Variants in IQCJ observed in about 807,000 individuals in gnomAD.
IQCJ encodes IQ motif containing J, also known as IQ domain-containing protein J.
A neutral mutation model predicts 11.0 loss-of-function variants in IQCJ; 9 were observed. The observed-to-expected ratio is 0.82, with a 90% CI of 0.49 to 1.43. The LOEUF (loss-of-function observed/expected upper bound fraction) is 1.43, where lower values mean the gene tolerates loss of function less well. IQCJ is among the 40% of genes most tolerant of loss of function. The pLI is 0.00. For missense variants in IQCJ, 146 were observed against 133.2 expected, an observed-to-expected ratio of 1.10 and a Z score of -0.47; for synonymous variants, 55 against 51.3, an observed-to-expected ratio of 1.07 and a Z score of -0.31.
At chr3:159,110,389 T>G (rs935558412) in intron 1 of IQCJ, among the ~76,000 whole-genome samples, 4 of 152,194 alleles carry the variant, frequency 2.6e-5, no homozygotes, top group Non-Finnish European at 5.9e-5. Flanking sequence ...TTTTATACTT[T>G]GTACCTTTGC....
intron 1 of IQCJ, among the ~76,000 whole-genome samples, chr3:159,219,451 G>A (rs552586820): frequency 2.6e-5 from 4 of 152,228 alleles, no homozygotes; most frequent in East Asian, 1.9e-4. Context: ...ATACTTTAGC[G>A]TCCACTCTGT....
At position 159,214,726 on chromosome 3, in the gene IQCJ, C is replaced by T. The variant is rs115449865; in HGVS notation, c.10-31117C>T. Among the ~76,000 whole-genome samples the T allele has an allele frequency of 5.5e-3, 833 of 152,302 alleles. 4 individuals are homozygous for T. The highest frequency in any genetic ancestry group is 0.019 in the African/African-American group (785 of 41,556). On this transcript the variant is annotated intron_variant, in intron 1 of 3. Coordinates refer to ENST00000397832, the MANE Select transcript of IQCJ (RefSeq NM_001042706.3). ...CTGCACAGACATAAGGTGAAGTATGCGTCCAATCTACCTTTCCTGTGAGCT... is the reference window on the plus strand; with the variant it reads ...CTGCACAGACATAAGGTGAAGTATGTGTCCAATCTACCTTTCCTGTGAGCT...
intron 1 of IQCJ, among the ~76,000 whole-genome samples, chr3:159,143,620 G>C (rs1303315350): frequency 6.6e-6 from 1 of 152,186 alleles, no homozygotes; most frequent in Admixed American, 6.5e-5. Flanking sequence ...AGTTTCCTGA[G>C]TGGTCTTGAC....
chr3:159,247,305 A>G (rs1265371766), intron 2 of IQCJ, among the ~76,000 whole-genome samples: 1 of 151,998 alleles, frequency 6.6e-6, no homozygotes, highest in Admixed American at 6.5e-5. Flanking sequence ...CCGTGTTGCC[A>G]GGCTGGTCTC....
At chr3:159,159,742 G>T (rs1452223430) in intron 1 of IQCJ, among the ~76,000 whole-genome samples, 2 of 152,212 alleles carry the variant, frequency 1.3e-5, no homozygotes, top group East Asian at 3.9e-4. Context: ...GGGCCATGAG[G>T]GTGGATCCCT....
intron 1 of IQCJ, among the ~76,000 whole-genome samples, chr3:159,104,827 G>A (rs1375780110): frequency 6.6e-6 from 1 of 152,130 alleles, no homozygotes. Flanking sequence ...CTTCCCTTCA[G>A]AATATGTTTA....
At position 159,073,209 on chromosome 3, in the gene IQCJ, G is replaced by A. The variant is rs575249563; in HGVS notation, c.9+3768G>A. Among the ~76,000 whole-genome samples the A allele has an allele frequency of 1.1e-4, 16 of 152,210 alleles. No homozygotes were observed. The South Asian group carries it at 1.9e-3, about 18-fold the overall frequency. Reference sequence around the variant, plus strand: ...CTCAATCACTGGCTGGGGGCTCCCCGAAAGAGCATGGCTGTGGCTTAAAAG... The same window carrying A: ...CTCAATCACTGGCTGGGGGCTCCCCAAAAGAGCATGGCTGTGGCTTAAAAG... On this transcript the variant is annotated intron_variant, in intron 1 of 3. Transcript: ENST00000397832.
rs1191761714 is a variant in IQCJ at position 159,129,045 on chromosome 3, CAACAAT to C, written c.9+59610_9+59615del. 2.3e-4 allele frequency among the ~76,000 whole-genome samples: 35 copies of C among 152,222 alleles called. No homozygotes were observed. In the South Asian group the frequency reaches 6.2e-3, roughly 27 times the overall value. On this transcript the variant is annotated intron_variant, in intron 1 of 3. Coordinates refer to ENST00000397832, the MANE Select transcript of IQCJ (RefSeq NM_001042706.3). The stretch of plus-strand genomic sequence containing the variant: ...TACCAACTCATCACACGTTCAACAA[CAACAAT>C]AACAACAAATTTTTCAACTTTTATG...
intron 1 of IQCJ, among the ~76,000 whole-genome samples, chr3:159,240,888 C>T (rs1399878105): frequency 6.6e-6 from 1 of 152,070 alleles, no homozygotes; most frequent in Non-Finnish European, 1.5e-5. Flanking sequence ...CCACCGCACC[C>T]GGCCCCGTCA....
chr3:159,158,967 G>A (rs1196375454), intron 1 of IQCJ, among the ~76,000 whole-genome samples: 1 of 152,188 alleles, frequency 6.6e-6, no homozygotes, highest in Non-Finnish European at 1.5e-5. Flanking sequence ...TGGAGGCCCA[G>A]TAGGCCACAC....
At chr3:159,147,163 G>A (rs1720967729) in intron 1 of IQCJ, among the ~76,000 whole-genome samples, 3 of 152,186 alleles carry the variant, frequency 2.0e-5, no homozygotes, top group South Asian at 2.1e-4. Context: ...ATATCAAAAT[G>A]AGGTTCCATT....
intron 1 of IQCJ, among the ~76,000 whole-genome samples, chr3:159,120,407 T>G (rs919063141): frequency 6.6e-6 from 1 of 152,206 alleles, no homozygotes; most frequent in Non-Finnish European, 1.5e-5. Flanking sequence ...CACAATCAGC[T>G]GGAAGATGGG....
At chr3:159,116,721 A>G (rs1245880784) in intron 1 of IQCJ, among the ~76,000 whole-genome samples, 1 of 144,772 alleles carries the variant, frequency 6.9e-6, no homozygotes, top group African/African-American at 2.6e-5. Context: ...TATTTTGAAC[A>G]TCTTGAACAT....
chr3:159,236,835 T>C (rs1560037384), intron 1 of IQCJ, among the ~76,000 whole-genome samples: 1 of 152,220 alleles, frequency 6.6e-6, no homozygotes, highest in Non-Finnish European at 1.5e-5. Flanking sequence ...TTAGTGCCCT[T>C]ATTACACTTC....
intron 1 of IQCJ, among the ~76,000 whole-genome samples, chr3:159,125,379 C>T (rs1379097388): frequency 6.6e-6 from 1 of 152,138 alleles, no homozygotes; most frequent in East Asian, 1.9e-4. Flanking sequence ...ATGTGGCATC[C>T]CAGATGGGAT....
chr3:159,228,360 C>A (rs1385884282), intron 1 of IQCJ, among the ~76,000 whole-genome samples: 1 of 152,166 alleles, frequency 6.6e-6, no homozygotes, highest in African/African-American at 2.4e-5. Flanking sequence ...CTCTCCTTAT[C>A]AATGTTGTTC....
intron 1 of IQCJ, among the ~76,000 whole-genome samples, chr3:159,074,863 G>A (rs1353575089): frequency 6.6e-6 from 1 of 152,048 alleles, no homozygotes; most frequent in Non-Finnish European, 1.5e-5. Flanking sequence ...GCCCAGCAGA[G>A]GCTGACAAGA....
At chr3:159,191,413 G>C (rs1195630082) in intron 1 of IQCJ, among the ~76,000 whole-genome samples, 1 of 152,074 alleles carries the variant, frequency 6.6e-6, no homozygotes, top group Non-Finnish European at 1.5e-5. Flanking sequence ...GGACAGAAAT[G>C]GTATATCTCA....
At chr3:159,118,656 G>A (rs1313036843) in intron 1 of IQCJ, among the ~76,000 whole-genome samples, 1 of 152,162 alleles carries the variant, frequency 6.6e-6, no homozygotes, top group African/African-American at 2.4e-5. Flanking sequence ...TTAATAATGA[G>A]CTATACTGCT....
Sources: gnomAD v4.1 joint callset for allele counts (sites outside exome capture counted in the v4.1 genomes callset) on GRCh38, gnomAD v4.1.1 for gene constraint, MANE v1.5 for transcripts, NCBI Gene and HGNC (gene_info 2026-07-23, HGNC 2026-07-21) for gene names.